ZZEF1: variants seen among roughly 807,000 people sequenced by gnomAD.
ZZEF1 encodes the protein zinc finger ZZ-type and EF-hand domain-containing protein 1.
In ZZEF1, 157 loss-of-function variants were observed where a neutral mutation model predicts 342.8. That is an observed-to-expected ratio of 0.46 (90% CI 0.40 to 0.52). ZZEF1 has a LOEUF of 0.52. Ranked by LOEUF, ZZEF1 falls within the 20% of genes least tolerant of loss-of-function variation. The probability of loss-of-function intolerance (pLI) is 0.00; values close to 1 mark genes in which losing one functional copy is unlikely to be tolerated. For missense variants in ZZEF1, 3,480 were observed against 3,725.6 expected, an observed-to-expected ratio of 0.93 and a Z score of 1.72; for synonymous variants, 1,505 against 1,429.1, an observed-to-expected ratio of 1.05 and a Z score of -1.20.
At chr17:4,030,023 C>G (rs934674744) in intron 42 of ZZEF1, among the ~76,000 whole-genome samples, 5 of 126,946 alleles carry the variant, frequency 3.9e-5, no homozygotes, top group African/African-American at 1.4e-4. Flanking sequence ...TGCTGAGATC[C>G]TATTAAAAAA....
At chr17:4,059,702 C>T (rs949333409) in intron 30 of ZZEF1, among the ~76,000 whole-genome samples, 1 of 152,212 alleles carries the variant, frequency 6.6e-6, no homozygotes, top group African/African-American at 2.4e-5. Context: ...TGATCCTGGC[C>T]ATCTTGGTGA....
intron 37 of ZZEF1, among the ~76,000 whole-genome samples, chr17:4,049,304 G>T (rs996894500): frequency 1.3e-5 from 2 of 152,082 alleles, no homozygotes; most frequent in African/African-American, 4.8e-5. Flanking sequence ...TTGAGCCCAG[G>T]AGTTCAAGAC....
At chr17:4,103,843 C>A (rs1427829411) in intron 8 of ZZEF1, among the ~76,000 whole-genome samples, 1 of 152,182 alleles carries the variant, frequency 6.6e-6, no homozygotes. Flanking sequence ...TCACTTGAGC[C>A]TGGGAGGTCA....
chr17:4,093,282 T>C (rs1290446595), intron 11 of ZZEF1, among the ~76,000 whole-genome samples: 1 of 152,196 alleles, frequency 6.6e-6, no homozygotes, highest in East Asian at 1.9e-4. Flanking sequence ...AAAGCAGTGT[T>C]TAAAAAGGCA....
rs756419685 is a variant in ZZEF1, at chr17:4,017,930, G to A, written c.7547C>T (p.Ser2516Phe). ...DELTTDERIR[S>F]LAQRWQPSKS... Reference sequence around the variant, plus strand: ...ACTGGGCTGCCACCGCTGAGCCAGGGACCGTATCCTTTCATCTGTGGTGAG... The same window carrying A: ...ACTGGGCTGCCACCGCTGAGCCAGGAACCGTATCCTTTCATCTGTGGTGAG... Residue 2516 changes from serine (S) to phenylalanine (F), a missense_variant, in exon 47 of 55, where the codon TCC (serine) becomes TTC (phenylalanine). Ser to Phe is a radical substitution (Grantham distance 155). This residue lies in a region of ZZEF1 where 1,269 missense variants were observed against 1,342.4 expected (regional missense o/e 0.95). Transcript: ENST00000381638. This position sits in a 1 kb window ranked among gnomAD's most constrained non-coding sequence, Gnocchi z 5.1. 1 of 1,614,044 alleles carries A rather than the reference G, an allele frequency of 6.2e-7. No individual in the cohort carries two copies. The highest frequency in any genetic ancestry group is 1.1e-5 in the South Asian group (1 of 91,078).
chr17:4,057,315 T>C (rs764900064), intron 32 of ZZEF1, among the ~76,000 whole-genome samples: 1 of 152,190 alleles, frequency 6.6e-6, no homozygotes, highest in Non-Finnish European at 1.5e-5. Flanking sequence ...ACGGCTCTAA[T>C]TCTGTCCCCT....
At chr17:4,012,433 A>G (rs1191993421) in intron 52 of ZZEF1, among the ~76,000 whole-genome samples, 1 of 152,220 alleles carries the variant, frequency 6.6e-6, no homozygotes, top group African/African-American at 2.4e-5. Context: ...TACTTCAAAT[A>G]TCATCACTGC....
intron 4 of ZZEF1, among the ~76,000 whole-genome samples, chr17:4,113,985 A>T (rs1597911898): frequency 6.6e-6 from 1 of 152,158 alleles, no homozygotes; most frequent in Non-Finnish European, 1.5e-5. Context: ...GAAAAAAAAA[A>T]GTAGAGAAAG....
intron 26 of ZZEF1, among the ~76,000 whole-genome samples, chr17:4,069,939 C>A (rs1355856501): frequency 6.6e-6 from 1 of 152,180 alleles, no homozygotes; most frequent in African/African-American, 2.4e-5. Context: ...GAAGACATAC[C>A]CTGCCAGGCG....
chr17:4,115,106 C>A (rs946194075), intron 3 of ZZEF1, among the ~76,000 whole-genome samples: 1 of 152,058 alleles, frequency 6.6e-6, no homozygotes, highest in Non-Finnish European at 1.5e-5. Flanking sequence ...ACCGCAGCCT[C>A]GATCTCCTAG....
At chr17:4,010,337 G>C (rs959783316) in intron 52 of ZZEF1, among the ~76,000 whole-genome samples, 2 of 145,444 alleles carry the variant, frequency 1.4e-5, no homozygotes, top group Non-Finnish European at 3.0e-5. Context: ...CTGGGCAACA[G>C]AGTGAGACCT....
intron 30 of ZZEF1, among the ~76,000 whole-genome samples, chr17:4,062,118 G>A (rs2057298619): frequency 1.3e-5 from 2 of 151,896 alleles, no homozygotes; most frequent in African/African-American, 4.8e-5. Flanking sequence ...CTCCCCCCCT[G>A]GAGCCTCTGC....
chr17:4,036,214 T>C (rs2056659648), intron 39 of ZZEF1, among the ~76,000 whole-genome samples: 1 of 152,200 alleles, frequency 6.6e-6, no homozygotes, highest in Non-Finnish European at 1.5e-5. Flanking sequence ...CGTTAAAGAC[T>C]GGATTCTTTA....
chr17:4,048,456 G>C (rs1172014525), intron 37 of ZZEF1, among the ~76,000 whole-genome samples: 1 of 152,154 alleles, frequency 6.6e-6, no homozygotes, highest in Non-Finnish European at 1.5e-5. Flanking sequence ...GACCCCTGTG[G>C]CAGTCAAGGG....
chr17:4,114,988 C>T (rs1282090349), intron 3 of ZZEF1, among the ~76,000 whole-genome samples: 1 of 152,060 alleles, frequency 6.6e-6, no homozygotes, highest in African/African-American at 2.4e-5. Flanking sequence ...GAATAGCTAA[C>T]ATTTACTTGA....
chr17:4,028,656 T>TA (rs1199958240), intron 42 of ZZEF1, among the ~76,000 whole-genome samples: 3 of 152,132 alleles, frequency 2.0e-5, no homozygotes, highest in South Asian at 2.1e-4. Context: ...TTGGATTTTT[T>TA]AAAAAAAGAC....
At chr17:4,122,892 T>TTATTGTCA (rs2058506818) in intron 2 of ZZEF1, among the ~76,000 whole-genome samples, 1 of 150,934 alleles carries the variant, frequency 6.6e-6, no homozygotes, top group South Asian at 2.1e-4. Context: ...TCATTCTATT[T>TTATTGTCA]TATTGTCAGC....
intron 1 of ZZEF1, among the ~76,000 whole-genome samples, chr17:4,132,680 AAATT>A (rs1225182890): frequency 7.2e-6 from 1 of 139,486 alleles, no homozygotes; most frequent in East Asian, 2.3e-4. Flanking sequence ...AAAATACAAA[AAATT>A]AGCCGGGTGT....
At chr17:4,071,715 C>G (rs2057512836) in intron 25 of ZZEF1, among the ~76,000 whole-genome samples, 1 of 152,138 alleles carries the variant, frequency 6.6e-6, no homozygotes, top group South Asian at 2.1e-4. Flanking sequence ...CACTGACCAC[C>G]ACAGAAGTGA....
Sources: gnomAD v4.1 joint callset for allele counts (sites outside exome capture counted in the v4.1 genomes callset) on GRCh38, gnomAD v4.1.1 for gene constraint, gnomAD v4.1.1 regional missense constraint, Gnocchi (gnomAD v3.1) non-coding constraint, MANE v1.5 for transcripts, NCBI Gene and HGNC (gene_info 2026-07-23, HGNC 2026-07-21) for gene names.